The following SHISA9 variants were observed in gnomAD, a reference collection of about 807,000 sequenced individuals.
SHISA9 encodes shisa family member 9.
A neutral mutation model predicts 38.0 loss-of-function variants in SHISA9; 13 were observed. That is an observed-to-expected ratio of 0.34 (90% CI 0.22 to 0.54). The LOEUF (loss-of-function observed/expected upper bound fraction) is 0.54, where lower values mean the gene tolerates loss of function less well. SHISA9 is among the 20% of genes least tolerant of loss of function. The pLI, the probability that SHISA9 is intolerant of heterozygous loss-of-function variation, is 0.91. For synonymous variants in SHISA9, 275 were observed against 242.0 expected (o/e 1.14, Z -1.27); for missense variants, 538 against 575.8 (o/e 0.93, Z 0.67).
At chr16:13,081,836 A>T (rs2073653838) in intron 2 of SHISA9, among the ~76,000 whole-genome samples, 1 of 147,742 alleles carries the variant, frequency 6.8e-6, no homozygotes, top group South Asian at 2.1e-4. Flanking sequence ...TGGGTGATAG[A>T]GCGAGACTCC....
chr16:13,048,731 CA>C (rs2073215368), intron 2 of SHISA9, among the ~76,000 whole-genome samples: 1 of 152,138 alleles, frequency 6.6e-6, no homozygotes, highest in Admixed American at 6.5e-5. Context: ...TGACTTACAG[CA>C]TTTTTTAAAA....
the SHISA9 span, among the ~76,000 whole-genome samples, chr16:13,543,320 G>A: frequency 6.6e-6 from 1 of 152,182 alleles, no homozygotes; most frequent in Admixed American, 6.5e-5. Context: ...TAGGGCTCTT[G>A]AAGAGGGGAC....
At chr16:13,463,901 T>C in the SHISA9 span, among the ~76,000 whole-genome samples, 1 of 152,258 alleles carries the variant, frequency 6.6e-6, no homozygotes, top group African/African-American at 2.4e-5. Context: ...ATATTGACTT[T>C]CATCTAATTG....
the SHISA9 span, among the ~76,000 whole-genome samples, chr16:13,346,884 T>G: frequency 2.0e-5 from 3 of 152,232 alleles, no homozygotes; most frequent in African/African-American, 7.2e-5. Context: ...TGCGTGTGCA[T>G]GTTCTTAATT....
intron 2 of SHISA9, among the ~76,000 whole-genome samples, chr16:13,051,343 A>G (rs867554114): frequency 6.6e-6 from 1 of 152,224 alleles, no homozygotes; most frequent in Non-Finnish European, 1.5e-5. Context: ...CAAGAACAGT[A>G]TGGGGGAAAC....
intron 2 of SHISA9, among the ~76,000 whole-genome samples, chr16:12,962,977 C>A (rs908590786): frequency 2.0e-5 from 3 of 152,138 alleles, no homozygotes; most frequent in African/African-American, 7.2e-5. Flanking sequence ...AGGGAGGGAG[C>A]ACAATTTCTG....
chr16:13,539,804 T>C, the SHISA9 span, among the ~76,000 whole-genome samples: 1 of 152,184 alleles, frequency 6.6e-6, no homozygotes, highest in Non-Finnish European at 1.5e-5. Flanking sequence ...TTTGTGTCCA[T>C]GTGTACTCAG....
chr16:13,385,246 T>A, the SHISA9 span, among the ~76,000 whole-genome samples: 1 of 152,218 alleles, frequency 6.6e-6, no homozygotes, highest in Admixed American at 6.5e-5. Flanking sequence ...GTTTGGTGTT[T>A]TTTACAGAAA....
At chr16:13,275,685 G>T in the SHISA9 span, among the ~76,000 whole-genome samples, 1 of 151,820 alleles carries the variant, frequency 6.6e-6, no homozygotes, top group East Asian at 1.9e-4. Flanking sequence ...GTGTTTTATA[G>T]AACTCACCAA....
At chr16:13,033,652 T>C (rs920603146) in intron 2 of SHISA9, among the ~76,000 whole-genome samples, 2 of 152,182 alleles carry the variant, frequency 1.3e-5, no homozygotes, top group African/African-American at 4.8e-5. Flanking sequence ...ATTGTATCAA[T>C]AAACTGCCAG....
the SHISA9 span, among the ~76,000 whole-genome samples, chr16:13,427,370 A>C: frequency 1.6e-4 from 25 of 152,184 alleles, no homozygotes; most frequent in African/African-American, 5.5e-4. Flanking sequence ...TTCTGACTTG[A>C]CTCTTCACCC....
chr16:13,114,846 C>T (rs2074015181), intron 2 of SHISA9, among the ~76,000 whole-genome samples: 1 of 152,038 alleles, frequency 6.6e-6, no homozygotes, highest in African/African-American at 2.4e-5. Context: ...TTTCACTTAA[C>T]ATTATGCTTT....
At chr16:13,126,553 G>A (rs2050258254) in intron 2 of SHISA9, among the ~76,000 whole-genome samples, 1 of 148,036 alleles carries the variant, frequency 6.8e-6, no homozygotes, top group African/African-American at 2.5e-5. Context: ...AAGAGACTGA[G>A]GGAGGGAGAG....
chr16:12,915,457 G>T (rs2071241340), intron 1 of SHISA9, among the ~76,000 whole-genome samples: 1 of 152,170 alleles, frequency 6.6e-6, no homozygotes, highest in Admixed American at 6.5e-5. Context: ...GAAAGAAAAA[G>T]ATGTTTATTG....
At position 13,235,901 on chromosome 16, in the gene SHISA9, T is replaced by C. The variant is rs2051378985; in HGVS notation, c.*492T>C. The C allele has an allele frequency of 6.5e-6, 1 of 153,762 alleles. No individual in the cohort carries two copies. The highest frequency in any genetic ancestry group is 6.5e-5 in the Admixed American group (1 of 15,342). The allele number at this position is 153,762 out of a possible 1,614,324, so 9.5% of individuals were successfully genotyped here. A position where few individuals can be genotyped will look rare whatever the true frequency, so the allele number is the denominator to read the frequency against. On this transcript the variant is annotated 3_prime_UTR_variant, in exon 5 of 5. Coordinates refer to ENST00000558583, the MANE Select transcript of SHISA9 (RefSeq NM_001145204.3). ...GGGAGGACACAAGAGAAGAGTGTAT[T>C]CTGGAAGAGGAGTTGTTCTGGGAGG...
intron 4 of SHISA9, among the ~76,000 whole-genome samples, chr16:13,226,057 C>T (rs1413847424): frequency 6.6e-6 from 1 of 152,116 alleles, no homozygotes. Flanking sequence ...ATTAATGGGG[C>T]TTACAAGACT....
the SHISA9 span, among the ~76,000 whole-genome samples, chr16:13,392,121 G>A: frequency 6.6e-6 from 1 of 152,154 alleles, no homozygotes; most frequent in Non-Finnish European, 1.5e-5. Flanking sequence ...TCACCCCTGG[G>A]AGTAAAGGTA....
intron 4 of SHISA9, among the ~76,000 whole-genome samples, chr16:13,229,962 T>A (rs1184095939): frequency 6.6e-5 from 10 of 152,158 alleles, no homozygotes; most frequent in Admixed American, 6.5e-4. Flanking sequence ...ACTGGTTAGC[T>A]CCCCTTCATA....
the SHISA9 span, among the ~76,000 whole-genome samples, chr16:13,468,699 C>T: frequency 1.3e-5 from 2 of 152,028 alleles, no homozygotes; most frequent in African/African-American, 2.4e-5. Context: ...AAGAAGCGTC[C>T]AGGTGTATGA....
Sources: allele counts gnomAD v4.1 joint callset (sites outside exome capture counted in the v4.1 genomes callset), GRCh38; gene constraint gnomAD v4.1.1; transcripts MANE v1.5; gene names NCBI Gene and HGNC (gene_info 2026-07-23, HGNC 2026-07-21).